BRDT: variants seen among roughly 807,000 people sequenced by gnomAD.
The protein encoded by BRDT is bromodomain testis-specific protein.
Under a neutral mutation model 113.9 loss-of-function variants are expected in BRDT, and 77 were observed. That is an observed-to-expected ratio of 0.68 (90% CI 0.56 to 0.82). The LOEUF (loss-of-function observed/expected upper bound fraction) is 0.82, where lower values mean the gene tolerates loss of function less well. Among genes scored for constraint, BRDT ranks in the 40% least tolerant of loss-of-function variants. The probability of loss-of-function intolerance (pLI) is 0.00; values close to 1 mark genes in which losing one functional copy is unlikely to be tolerated. For missense variants in BRDT, 1,027 were observed against 1,105.4 expected (o/e 0.93, Z 1.01); for synonymous variants, 358 against 366.5 (o/e 0.98, Z 0.26).
In BRDT at chr1:91,980,909, A is replaced by G. The variant is rs35184630; in HGVS notation, c.1481A>G (p.Gln494Arg). The change falls in exon 10 of 19, where the codon CAA becomes CGA. Residue 494 changes from glutamine to arginine, a missense_variant. Physicochemically the swap from Gln to Arg is conservative, Grantham distance 43. Transcript: ENST00000399546. ...TACAGTCAGCCAAAGAAAAGGAAAC[A>G]ACAGTTCATTGGTCTAAAATCTGAA... ...SKRNQPKKRKQQFIGLKSEDE... is the reference protein window; with the variant it reads ...SKRNQPKKRKRQFIGLKSEDE... 8.0e-5 allele frequency: 129 copies of G among 1,607,832 alleles called. No homozygotes were observed. The highest frequency in any genetic ancestry group is 1.3e-5 in the African/African-American group (1 of 74,464).
intron 15 of BRDT, among the ~76,000 whole-genome samples, chr1:91,999,555 T>C (rs1302581054): frequency 1.3e-5 from 2 of 152,152 alleles, no homozygotes; most frequent in African/African-American, 4.8e-5. Flanking sequence ...CCCCAGAATT[T>C]CCCAACCATG....
At chr1:91,951,385 T>G (rs930879002) in intron 1 of BRDT, among the ~76,000 whole-genome samples, 4 of 152,112 alleles carry the variant, frequency 2.6e-5, no homozygotes, top group Admixed American at 6.6e-5. Context: ...ATCTCGAATA[T>G]TTAAATTATA....
intron 15 of BRDT, among the ~76,000 whole-genome samples, chr1:91,996,738 T>C (rs1178133938): frequency 1.3e-5 from 2 of 152,220 alleles, no homozygotes; most frequent in African/African-American, 2.4e-5. Flanking sequence ...GCAGAATTGA[T>C]ATACTTCGTT....
chr1:91,961,100 C>G (rs1011936557), intron 1 of BRDT, among the ~76,000 whole-genome samples: 1 of 152,158 alleles, frequency 6.6e-6, no homozygotes, highest in Non-Finnish European at 1.5e-5. Context: ...CACCTGAGGT[C>G]AGGAGTTCCA....
intron 4 of BRDT, 23 bp downstream of exon 4, chr1:91,968,283 T>C (rs772271165): frequency 8.7e-6 from 14 of 1,609,840 alleles, no homozygotes; most frequent in East Asian, 4.5e-5. Context: ...GTAAACACTT[T>C]ATGGTTCTCT....
chr1:91,976,228 T>C, intron 4 of BRDT, 38 bp from the exon 5 acceptor site: 1 of 1,521,750 alleles, frequency 6.6e-7, no homozygotes, highest in Non-Finnish European at 8.8e-7. Context: ...TTGTACTTTA[T>C]TCATTCATAT....
At chr1:91,983,909 T>C (rs925928309) in intron 12 of BRDT, among the ~76,000 whole-genome samples, 1 of 152,166 alleles carries the variant, frequency 6.6e-6, no homozygotes, top group Admixed American at 6.5e-5. Context: ...CTTGAACTCC[T>C]GACCTCAAGT....
chr1:91,979,545 T>C (rs1684519115), intron 7 of BRDT, 24 bp from the exon 8 acceptor site: 1 of 1,595,324 alleles, frequency 6.3e-7, no homozygotes, highest in African/African-American at 1.4e-5. Context: ...CAGAAAACCA[T>C]AACAAACTAA....
At chr1:92,008,509 A>G (rs936103529) in intron 18 of BRDT, among the ~76,000 whole-genome samples, 2 of 152,160 alleles carry the variant, frequency 1.3e-5, no homozygotes, top group Non-Finnish European at 1.5e-5. Flanking sequence ...TGTCAGCCTT[A>G]GTATAATCAA....
Position 91,968,136 on chromosome 1 carries a change from T to C in BRDT, c.331-10T>C, listed in dbSNP as rs1455156515. The C allele has an allele frequency of 6.2e-7, 1 of 1,613,134 alleles. No homozygotes were observed. Among genetic ancestry groups the C allele is most frequent in the Admixed American group, 1.7e-5 (1 of 59,822 alleles). On this transcript the variant is annotated splice_polypyrimidine_tract_variant and intron_variant, in intron 3 of 18. Transcript: ENST00000399546. ...GTATATCCTTATGGTATATTTAATA[T>C]ATTTTGTAGCCTGGAGATGACATTG...
intron 1 of BRDT, among the ~76,000 whole-genome samples, chr1:91,952,980 CT>C (rs1425272757): frequency 6.6e-6 from 1 of 151,942 alleles, no homozygotes; most frequent in African/African-American, 2.4e-5. Flanking sequence ...ACTTTAAGTT[CT>C]AGGGTACATG....
At chr1:91,979,885 C>T in intron 8 of BRDT, 128 bp downstream of exon 8, 1 of 710,642 alleles carries the variant, frequency 1.4e-6, no homozygotes, top group Middle Eastern at 4.1e-4. Flanking sequence ...TACTTATTGG[C>T]AAATTTGTAA....
intron 1 of BRDT, chr1:91,950,304 G>A (rs1345341856): frequency 1.3e-5 from 2 of 152,246 alleles, no homozygotes; most frequent in African/African-American, 4.8e-5. Context: ...ACAAAAATTA[G>A]CTGGGTGTGA....
In BRDT at chr1:91,978,219, GTTAGAT is replaced by G; in HGVS notation, c.1023_1028del (p.Arg342_Leu343del). ...GGATGCATACAAATTTGCGGCAGAT[GTTAGAT>G]TAATGTTCATGAATTGCTACAAGTA... On this transcript the variant is annotated inframe_deletion, in exon 7 of 19. Transcript: ENST00000399546. 1 of 1,614,036 alleles carries G rather than the reference GTTAGAT, an allele frequency of 6.2e-7. No individual in the cohort carries two copies. The highest frequency in any genetic ancestry group is 8.5e-7 in the Non-Finnish European group (1 of 1,179,960).
intron 15 of BRDT, among the ~76,000 whole-genome samples, chr1:91,996,844 A>G (rs989580588): frequency 2.6e-5 from 4 of 152,230 alleles, no homozygotes; most frequent in Admixed American, 2.0e-4. Flanking sequence ...CAGAATATCT[A>G]AGTGGAAATA....
chr1:91,959,003 C>G (rs973200841), intron 1 of BRDT, among the ~76,000 whole-genome samples: 1 of 152,082 alleles, frequency 6.6e-6, no homozygotes, highest in Non-Finnish European at 1.5e-5. Flanking sequence ...GAGCCAAGAT[C>G]ATACTGTTGC....
Position 91,979,703 on chromosome 1 carries a change from T to C in BRDT, c.1233T>C (p.Ser411=). 1.2e-6 allele frequency: 2 copies of C among 1,613,302 alleles called. No individual in the cohort carries two copies. Among genetic ancestry groups the C allele is most frequent in the South Asian group, 1.1e-5 (1 of 90,822 alleles). The change falls in exon 8 of 19, where the codon TCT becomes TCC. Residue 411 remains serine, a synonymous_variant. Coordinates refer to ENST00000399546, the MANE Select transcript of BRDT (RefSeq NM_207189.4). ...ATGAAGCCTCCTCTGAAGGGAACTC[T>C]TCTGATGATTCTGAAGATGAGCGAG... ...NTNEASSEGN[S]SDDSEDERVK... is the part of the protein sequence containing the mutation.
At chr1:91,961,020 A>G (rs1333244492) in intron 1 of BRDT, among the ~76,000 whole-genome samples, 1 of 152,218 alleles carries the variant, frequency 6.6e-6, no homozygotes, top group Non-Finnish European at 1.5e-5. Flanking sequence ...TTTAAAATAA[A>G]TCACTTTGGG....
intron 18 of BRDT, among the ~76,000 whole-genome samples, chr1:92,006,346 C>T (rs998832041): frequency 1.3e-5 from 2 of 151,854 alleles, no homozygotes; most frequent in Non-Finnish European, 2.9e-5. Context: ...AGCGTTGGCA[C>T]AGTAAAATTC....
Sources: allele counts gnomAD v4.1 joint callset (sites outside exome capture counted in the v4.1 genomes callset), GRCh38; gene constraint gnomAD v4.1.1; transcripts MANE v1.5; gene names NCBI Gene and HGNC (gene_info 2026-07-23, HGNC 2026-07-21).